The following LHFPL3 variants were observed in gnomAD, a reference collection of about 807,000 sequenced individuals.
The protein encoded by LHFPL3 is LHFPL tetraspan subfamily member 3 protein.
A neutral mutation model predicts 19.3 loss-of-function variants in LHFPL3; 5 were observed. The ratio of observed to expected loss-of-function variants is 0.26; its 90% CI spans 0.14 to 0.54. The LOEUF is 0.54. Ranked by LOEUF, LHFPL3 falls within the 20% of genes least tolerant of loss-of-function variation. The pLI, the probability that LHFPL3 is intolerant of heterozygous loss-of-function variation, is 0.94. For synonymous variants in LHFPL3, 133 were observed against 126.2 expected, an observed-to-expected ratio of 1.05 and a Z score of -0.36; for missense variants, 249 against 307.4, an observed-to-expected ratio of 0.81 and a Z score of 1.42.
intron 1 of LHFPL3, among the ~76,000 whole-genome samples, chr7:104,443,773 A>G (rs1562899225): frequency 6.6e-6 from 1 of 152,242 alleles, no homozygotes. Flanking sequence ...CACTTCCTGC[A>G]TGTTGCTTGT....
intron 1 of LHFPL3, among the ~76,000 whole-genome samples, chr7:104,667,207 T>C: frequency 6.6e-6 from 1 of 151,004 alleles, no homozygotes; most frequent in East Asian, 2.0e-4. Context: ...TTGATGAAAC[T>C]TTTCTAAAGG....
At chr7:104,419,513 G>A (rs958302064) in intron 1 of LHFPL3, among the ~76,000 whole-genome samples, 1 of 152,184 alleles carries the variant, frequency 6.6e-6, no homozygotes, top group African/African-American at 2.4e-5. Context: ...AAAAATCAAC[G>A]AGTTCATTTC....
intron 1 of LHFPL3, among the ~76,000 whole-genome samples, chr7:104,690,233 T>C (rs893608494): frequency 2.6e-5 from 4 of 152,260 alleles, no homozygotes; most frequent in Non-Finnish European, 5.9e-5. Context: ...GTACCAGATG[T>C]GGTTTCATTG....
chr7:104,712,283 G>A (rs1793312407), intron 1 of LHFPL3, among the ~76,000 whole-genome samples: 1 of 152,206 alleles, frequency 6.6e-6, no homozygotes, highest in Admixed American at 6.5e-5. Flanking sequence ...ATTTCTCACA[G>A]TCCTAGTGGC....
At chr7:104,333,458 T>G (rs1801607835) in intron 1 of LHFPL3, among the ~76,000 whole-genome samples, 1 of 152,176 alleles carries the variant, frequency 6.6e-6, no homozygotes, top group Non-Finnish European at 1.5e-5. Flanking sequence ...CTCCCCAGAT[T>G]CCTCATCTGT....
At position 104,908,099 on chromosome 7, in the gene LHFPL3, T is replaced by C. The variant is rs966648534; in HGVS notation, c.*1884T>C. Among the ~76,000 whole-genome samples, 2 of 152,232 alleles carry C rather than the reference T, an allele frequency of 1.3e-5. No individual in the cohort carries two copies. Among genetic ancestry groups the C allele is most frequent in the East Asian group, 3.8e-4 (2 of 5,206 alleles). ...CGTATTTTATTTGAAGGGAGGTACC[T>C]GTCTACTTTATCTACAATAAAAACA... On this transcript the variant is annotated 3_prime_UTR_variant, in exon 3 of 3. Transcript: ENST00000424859.
chr7:104,708,821 G>A (rs1011225109), intron 1 of LHFPL3, among the ~76,000 whole-genome samples: 1 of 151,904 alleles, frequency 6.6e-6, no homozygotes. Context: ...TTTTCCTCAT[G>A]TTGTTTCTCA....
At chr7:104,431,066 G>C (rs1446684317) in intron 1 of LHFPL3, among the ~76,000 whole-genome samples, 1 of 152,120 alleles carries the variant, frequency 6.6e-6, no homozygotes, top group Non-Finnish European at 1.5e-5. Context: ...TATGTAAAAA[G>C]ACTTTCCACA....
chr7:104,585,828 A>C (rs140498816), intron 1 of LHFPL3, among the ~76,000 whole-genome samples: 12 of 152,166 alleles, frequency 7.9e-5, no homozygotes, highest in African/African-American at 2.2e-4. Context: ...GGGAAACAAC[A>C]ACCTTTTTAA....
chr7:104,838,186 T>G (rs945873560), intron 2 of LHFPL3, among the ~76,000 whole-genome samples: 2 of 152,138 alleles, frequency 1.3e-5, no homozygotes, highest in African/African-American at 4.8e-5. Context: ...TGAGAACCAT[T>G]TGAGGAACTT....
chr7:104,651,010 G>A (rs1792023218), intron 1 of LHFPL3, among the ~76,000 whole-genome samples: 1 of 152,156 alleles, frequency 6.6e-6, no homozygotes, highest in Non-Finnish European at 1.5e-5. Flanking sequence ...ATCTTCTTAT[G>A]ACAGCAGGGT....
chr7:104,813,698 A>G (rs140103873), intron 2 of LHFPL3, among the ~76,000 whole-genome samples: 23 of 152,324 alleles, frequency 1.5e-4, no homozygotes, highest in Non-Finnish European at 2.5e-4. Context: ...CCAGCTTTCT[A>G]TGAGGCTGTG....
At chr7:104,561,265 T>C (rs1789992652) in intron 1 of LHFPL3, among the ~76,000 whole-genome samples, 1 of 148,854 alleles carries the variant, frequency 6.7e-6, no homozygotes, top group Admixed American at 6.6e-5. Context: ...TTGATCTGTC[T>C]AATGTTGACA....
chr7:104,461,658 T>G (rs1281717661), intron 1 of LHFPL3, among the ~76,000 whole-genome samples: 1 of 152,212 alleles, frequency 6.6e-6, no homozygotes, highest in Non-Finnish European at 1.5e-5. Flanking sequence ...TCTTTGTTCT[T>G]GGGCTACTTG....
At chr7:104,533,314 A>G (rs1794337198) in intron 1 of LHFPL3, among the ~76,000 whole-genome samples, 1 of 152,054 alleles carries the variant, frequency 6.6e-6, no homozygotes, top group Non-Finnish European at 1.5e-5. Flanking sequence ...GAAATTCTTC[A>G]TGAGGTTTTT....
intron 1 of LHFPL3, among the ~76,000 whole-genome samples, chr7:104,545,915 G>A (rs1415359397): frequency 2.0e-5 from 3 of 152,164 alleles, no homozygotes; most frequent in African/African-American, 7.2e-5. Context: ...TCTTCTGCAA[G>A]GTATAGAGAT....
chr7:104,494,362 A>C (rs1793415981), intron 1 of LHFPL3, among the ~76,000 whole-genome samples: 1 of 152,020 alleles, frequency 6.6e-6, no homozygotes, highest in South Asian at 2.1e-4. Context: ...CTCTGCCTCT[A>C]TTCTCTTATT....
At chr7:104,402,088 TAAA>T (rs11406584) in intron 1 of LHFPL3, among the ~76,000 whole-genome samples, 6,058 of 132,346 alleles carry the variant, frequency 0.046, 426 homozygotes, top group African/African-American at 0.15. Flanking sequence ...CCGTATAAAC[TAAA>T]AAAAAAAAAA....
chr7:104,485,186 C>T (rs898431059), intron 1 of LHFPL3, among the ~76,000 whole-genome samples: 2 of 152,132 alleles, frequency 1.3e-5, no homozygotes, highest in East Asian at 1.9e-4. Context: ...CTCATCCTCT[C>T]ATTTCCTAGG....
Sources: gnomAD v4.1 joint callset for allele counts (sites outside exome capture counted in the v4.1 genomes callset) on GRCh38, gnomAD v4.1.1 for gene constraint, MANE v1.5 for transcripts, NCBI Gene and HGNC (gene_info 2026-07-23, HGNC 2026-07-21) for gene names.